The following INTU variants were observed in gnomAD, a reference collection of about 807,000 sequenced individuals.
The protein encoded by INTU is inturned planar cell polarity protein.
Under a neutral mutation model 100.5 loss-of-function variants are expected in INTU, and 68 were observed. The observed-to-expected ratio is 0.68, with a 90% CI of 0.56 to 0.83. The LOEUF (loss-of-function observed/expected upper bound fraction) is 0.83, where lower values mean the gene tolerates loss of function less well. Among genes scored for constraint, INTU ranks in the 40% least tolerant of loss-of-function variants. The pLI, the probability that INTU is intolerant of heterozygous loss-of-function variation, is 0.00. For synonymous variants in INTU, 357 were observed against 395.7 expected (o/e 0.90, Z 1.16); for missense variants, 1,071 against 1,114.7 (o/e 0.96, Z 0.56).
chr4:127,638,585 G>A (rs1054496244), intron 1 of INTU, among the ~76,000 whole-genome samples: 8 of 152,142 alleles, frequency 5.3e-5, no homozygotes, highest in Non-Finnish European at 8.8e-5. Flanking sequence ...TCAGGAATGA[G>A]ACAATTATTA....
chr4:127,656,602 A>G, intron 2 of INTU, 34 bp from the exon 3 acceptor site: 1 of 1,488,724 alleles, frequency 6.7e-7, no homozygotes, highest in South Asian at 1.1e-5. Flanking sequence ...TTAGATATTC[A>G]TAAAACTATC....
chr4:127,635,264 A>G (rs994516833), intron 1 of INTU, among the ~76,000 whole-genome samples: 1 of 152,116 alleles, frequency 6.6e-6, no homozygotes, highest in Non-Finnish European at 1.5e-5. Flanking sequence ...AAGAGTTTAT[A>G]TTGCTGCAGT....
intron 4 of INTU, 76 bp downstream of exon 4, chr4:127,663,660 A>T: frequency 1.8e-6 from 2 of 1,098,314 alleles, no homozygotes; most frequent in South Asian, 2.8e-5. Flanking sequence ...CTTTTATCGT[A>T]TTCCCAGTGA....
In INTU at chr4:127,706,871, G is replaced by A. The variant is rs747015205; in HGVS notation, c.2173G>A (p.Asp725Asn). 6.2e-7 allele frequency: 1 copy of A among 1,614,066 alleles called. No individual in the cohort carries two copies. Among genetic ancestry groups the A allele is most frequent in the South Asian group, 1.1e-5 (1 of 91,086 alleles). ...TGACAATGGTTGTGAAGGTGGAGAA[G>A]ATGATGGCTTTAGCCCCCATACTAC... Reference protein sequence around the residue: ...GSDNGCEGGEDDGFSPHTTPD... With the variant: ...GSDNGCEGGENDGFSPHTTPD... The change falls in exon 12 of 16, where the codon GAT becomes AAT. Residue 725 changes from aspartate (D) to asparagine (N), a missense_variant. By Grantham distance (23) the Asp-to-Asn change is conservative (BLOSUM62 1). Coordinates refer to ENST00000335251, the MANE Select transcript of INTU (RefSeq NM_015693.4).
chr4:127,635,077 G>C (rs1727008724), intron 1 of INTU, among the ~76,000 whole-genome samples: 3 of 152,178 alleles, frequency 2.0e-5, no homozygotes, highest in Non-Finnish European at 4.4e-5. Context: ...AATTTTCAAG[G>C]TTTTAGTTAA....
At chr4:127,701,600 TATA>T (rs1229925692) in intron 9 of INTU, among the ~76,000 whole-genome samples, 5 of 152,274 alleles carry the variant, frequency 3.3e-5, no homozygotes, top group Admixed American at 2.6e-4. Context: ...GATGAAATTA[TATA>T]ATATCTGGGA....
Position 127,633,072 on chromosome 4 carries a change from C to T in INTU, c.38C>T (p.Ser13Leu). 1.9e-6 allele frequency: 3 copies of T among 1,613,914 alleles called. No individual in the cohort carries two copies. The highest frequency in any genetic ancestry group is 2.5e-6 in the Non-Finnish European group (3 of 1,179,798). ...GCTTCGTGCGATTCGCGTCCGAGCT[C>T]AGACGAGCTCCCTGGAGACCCCTCT... ...SVASCDSRPS[S>L]DELPGDPSSQ... The change falls in exon 1 of 16, where the codon TCA becomes TTA. Residue 13 changes from serine (S) to leucine (L), a missense_variant. Transcript: ENST00000335251.
At chr4:127,709,864 G>A (rs1192457637) in intron 13 of INTU, among the ~76,000 whole-genome samples, 1 of 152,080 alleles carries the variant, frequency 6.6e-6, no homozygotes, top group Non-Finnish European at 1.5e-5. Context: ...AAAGTAACTT[G>A]TCTGCATAAA....
intron 8 of INTU, among the ~76,000 whole-genome samples, chr4:127,688,223 G>A (rs939474168): frequency 6.6e-6 from 1 of 151,724 alleles, no homozygotes. Context: ...AAAAAAAGTG[G>A]ATGACATGGT....
At position 127,719,770 on chromosome 4, in the gene INTU, C is replaced by T. The variant is rs571323876; in HGVS notation, c.*3334C>T. On this transcript the variant is annotated 3_prime_UTR_variant, in exon 16 of 16. Coordinates refer to ENST00000335251, the MANE Select transcript of INTU (RefSeq NM_015693.4). ...TCTAGATTTTCGAGTTTATTTGCAC[C>T]GAGCTGTTATAGTATTGTCTGATGG... The T allele has an allele frequency of 1.3e-5, 2 of 151,972 alleles. No homozygotes were observed. The highest frequency in any genetic ancestry group is 2.9e-5 in the Non-Finnish European group (2 of 67,918). The allele number at this position is 151,972 out of a possible 1,614,324, so 9.4% of individuals were successfully genotyped here.
chr4:127,654,181 G>T (rs1417785704), intron 2 of INTU, among the ~76,000 whole-genome samples: 1 of 151,330 alleles, frequency 6.6e-6, no homozygotes, highest in Admixed American at 6.6e-5. Flanking sequence ...TATCCAATTT[G>T]CCAGTCTGTG....
At chr4:127,711,785 C>A (rs1399619939) in intron 14 of INTU, among the ~76,000 whole-genome samples, 1 of 152,174 alleles carries the variant, frequency 6.6e-6, no homozygotes, top group Non-Finnish European at 1.5e-5. Flanking sequence ...AGAAATTGGT[C>A]TCCAATGCCA....
At chr4:127,666,020 T>A (rs2126202816) in intron 4 of INTU, among the ~76,000 whole-genome samples, 1 of 152,334 alleles carries the variant, frequency 6.6e-6, no homozygotes, top group African/African-American at 2.4e-5. Flanking sequence ...AGAAGTCTAC[T>A]GTCAGTCTAT....
intron 2 of INTU, among the ~76,000 whole-genome samples, chr4:127,648,825 T>G (rs992980468): frequency 6.6e-6 from 1 of 150,942 alleles, no homozygotes; most frequent in African/African-American, 2.4e-5. Context: ...CTTGTTGTGT[T>G]TTTTTTTTTC....
At chr4:127,666,546 C>CTGA (rs1336389879) in intron 4 of INTU, among the ~76,000 whole-genome samples, 1 of 152,136 alleles carries the variant, frequency 6.6e-6, no homozygotes, top group African/African-American at 2.4e-5. Context: ...ACTCAGTGTC[C>CTGA]TGATGGAAGC....
chr4:127,711,328 G>C (rs1731085791), intron 14 of INTU, among the ~76,000 whole-genome samples: 1 of 152,154 alleles, frequency 6.6e-6, no homozygotes. Context: ...TGGTAGACCT[G>C]TGTTTTCTAC....
intron 5 of INTU, among the ~76,000 whole-genome samples, chr4:127,673,073 T>C (rs746958731): frequency 7.2e-5 from 11 of 152,256 alleles, no homozygotes; most frequent in Non-Finnish European, 2.9e-5. Flanking sequence ...TGTCCCATAC[T>C]GATTGTCATC....
Position 127,725,399 on chromosome 4 carries a change from T to G in INTU, c.*8963T>G, listed in dbSNP as rs991317091. On this transcript the variant is annotated 3_prime_UTR_variant, in exon 16 of 16. Transcript: ENST00000335251. Reference sequence around the variant, plus strand: ...TCACAACTGCTGTCTTAGGACTGCTTATTTACATATATATGTATTAAGACA... The same window carrying G: ...TCACAACTGCTGTCTTAGGACTGCTGATTTACATATATATGTATTAAGACA... 2.0e-5 allele frequency: 3 copies of G among 152,364 alleles called. No homozygotes were observed. Among genetic ancestry groups the G allele is most frequent in the South Asian group, 2.1e-4 (1 of 4,822 alleles). The allele number at this position is 152,364 out of a possible 1,614,324, so 9.4% of individuals were successfully genotyped here. A position where few individuals can be genotyped will look rare whatever the true frequency, so the allele number is the denominator to read the frequency against.
chr4:127,644,148 C>A, intron 2 of INTU, 92 bp downstream of exon 2: 1 of 1,262,768 alleles, frequency 7.9e-7, no homozygotes, highest in Non-Finnish European at 1.1e-6. Flanking sequence ...CAATTATATA[C>A]AGTCTCCACA....
Sources: gnomAD v4.1 joint callset for allele counts (sites outside exome capture counted in the v4.1 genomes callset) on GRCh38, gnomAD v4.1.1 for gene constraint, MANE v1.5 for transcripts, NCBI Gene and HGNC (gene_info 2026-07-23, HGNC 2026-07-21) for gene names.